Variants in CFAP206 observed in about 807,000 individuals in gnomAD.
The protein encoded by CFAP206 is cilia- and flagella-associated protein 206.
CFAP206 carries 53 observed loss-of-function variants against 65.4 expected under a neutral mutation model. That is an observed-to-expected ratio of 0.81 (90% CI 0.65 to 1.02). The LOEUF is 1.02. CFAP206 is among the 50% of genes least tolerant of loss of function. The pLI, the probability that CFAP206 is intolerant of heterozygous loss-of-function variation, is 0.00. For missense variants in CFAP206, 663 were observed against 753.2 expected (o/e 0.88, Z 1.40); for synonymous variants, 250 against 254.4 (o/e 0.98, Z 0.17).
chr6:87,444,738 G>T (rs183175173), intron 11 of CFAP206: 1 of 429,470 alleles, frequency 2.3e-6, no homozygotes, highest in African/African-American at 2.1e-5. Flanking sequence ...ACTCTTCATG[G>T]TTTTGCTCAT....
chr6:87,410,256 G>A (rs559334199), intron 2 of CFAP206, among the ~76,000 whole-genome samples: 1 of 152,150 alleles, frequency 6.6e-6, no homozygotes, highest in African/African-American at 2.4e-5. Flanking sequence ...TGGTTTCTCT[G>A]TTCTTGCTTT....
intron 4 of CFAP206, among the ~76,000 whole-genome samples, chr6:87,415,308 ATATG>A (rs1291712441): frequency 6.7e-6 from 1 of 150,236 alleles, no homozygotes; most frequent in African/African-American, 2.4e-5. Flanking sequence ...TAAATATATA[ATATG>A]TATATATTTA....
chr6:87,422,954 G>T (rs1014236568), intron 7 of CFAP206, among the ~76,000 whole-genome samples: 3 of 151,868 alleles, frequency 2.0e-5, no homozygotes, highest in Non-Finnish European at 4.4e-5. Context: ...ACAGGGTCTC[G>T]CTCTGTCACC....
intron 7 of CFAP206, among the ~76,000 whole-genome samples, chr6:87,420,585 G>A (rs1282433803): frequency 2.0e-5 from 3 of 152,172 alleles, no homozygotes; most frequent in Admixed American, 6.5e-5. Context: ...CTGTAAAATG[G>A]GGTTATTCAT....
At chr6:87,438,600 T>G (rs1420000378) in intron 11 of CFAP206, among the ~76,000 whole-genome samples, 1 of 152,156 alleles carries the variant, frequency 6.6e-6, no homozygotes, top group Non-Finnish European at 1.5e-5. Flanking sequence ...GAGAGTCTTT[T>G]GTGATAATTT....
At position 87,435,015 on chromosome 6, in the gene CFAP206, C is replaced by T. The variant is rs1200625949; in HGVS notation, c.1456C>T (p.Leu486Phe). Residue 486 changes from leucine (L) to phenylalanine (F), a missense_variant, in exon 11 of 13, where the codon CTT becomes TTT. Leu to Phe is a conservative substitution (Grantham distance 22, BLOSUM62 0). Transcript: ENST00000369562. The stretch of plus-strand genomic sequence containing the variant: ...TACAGAGTTAATTCAACTATTGGAA[C>T]TTCATCAACAGTTTGAAACATTTAT... ...KNTELIQLLE[L>F]HQQFETFIPY... 3 of 1,606,812 alleles carry T rather than the reference C, an allele frequency of 1.9e-6. No homozygotes were observed. Among genetic ancestry groups the T allele is most frequent in the Non-Finnish European group, 2.5e-6 (3 of 1,176,484 alleles).
At chr6:87,449,101 T>G (rs1768496265) in intron 11 of CFAP206, among the ~76,000 whole-genome samples, 2 of 152,144 alleles carry the variant, frequency 1.3e-5, no homozygotes, top group African/African-American at 4.8e-5. Flanking sequence ...CATAATGGCT[T>G]GCATTCCCAT....
chr6:87,463,983 A>T (rs1351452580), intron 12 of CFAP206, 37 bp from the exon 13 acceptor site: 1 of 1,517,308 alleles, frequency 6.6e-7, no homozygotes, highest in Non-Finnish European at 9.1e-7. Context: ...TTTGTTCTTT[A>T]GAGAAATGTT....
chr6:87,450,166 T>A (rs905184794), intron 11 of CFAP206, among the ~76,000 whole-genome samples: 1 of 152,190 alleles, frequency 6.6e-6, no homozygotes, highest in Non-Finnish European at 1.5e-5. Context: ...TGTATTCTAT[T>A]CTATTAGTCT....
intron 3 of CFAP206, 47 bp from the exon 4 acceptor site, chr6:87,413,763 G>T (rs1340367436): frequency 8.9e-7 from 1 of 1,120,870 alleles, no homozygotes; most frequent in Non-Finnish European, 1.3e-6. Context: ...ATACTTGACT[G>T]TCTCAAAAAC....
At chr6:87,441,214 G>T in intron 11 of CFAP206, 1 of 301,124 alleles carries the variant, frequency 3.3e-6, no homozygotes. Context: ...AAACAAAATT[G>T]TAATCATTGA....
chr6:87,426,624 GGTCCCAACATCACAA>G lies in CFAP206; in HGVS notation c.943_957del (p.Pro315_Val319del), dbSNP rs774813671. On this transcript the variant is annotated inframe_deletion, in exon 8 of 13. Coordinates refer to ENST00000369562, the MANE Select transcript of CFAP206 (RefSeq NM_001031743.3). ...AAATGACCATAAAATCAAAGATAGC[GGTCCCAACATCACAA>G]GTCTTTGTAAGTATTTGTCATAAAC... 8 of 1,589,116 alleles carry G rather than the reference GGTCCCAACATCACAA, an allele frequency of 5.0e-6. No individual in the cohort carries two copies. The highest frequency in any genetic ancestry group is 6.0e-6 in the Non-Finnish European group (7 of 1,167,882).
chr6:87,422,436 G>A (rs1366691753), intron 7 of CFAP206, among the ~76,000 whole-genome samples: 6 of 125,016 alleles, frequency 4.8e-5, no homozygotes, highest in Non-Finnish European at 9.7e-5. Flanking sequence ...GACAACGAGA[G>A]CGAAACTCCA....
intron 10 of CFAP206, among the ~76,000 whole-genome samples, chr6:87,432,223 G>A (rs890579876): frequency 6.6e-6 from 1 of 151,558 alleles, no homozygotes; most frequent in Non-Finnish European, 1.5e-5. Context: ...ATAACTATTG[G>A]GATTGTGGGT....
chr6:87,433,021 G>A (rs562865352), intron 10 of CFAP206, among the ~76,000 whole-genome samples: 9 of 152,246 alleles, frequency 5.9e-5, no homozygotes, highest in African/African-American at 1.7e-4. Context: ...TGCCTACCAC[G>A]CTTTGCCTCG....
chr6:87,433,414 A>G (rs1315723394), intron 10 of CFAP206, among the ~76,000 whole-genome samples: 3 of 152,160 alleles, frequency 2.0e-5, no homozygotes. Context: ...TTCTAATACA[A>G]CTTCCACAAA....
At chr6:87,425,726 T>C (rs1400036284) in intron 7 of CFAP206, 2 of 152,192 alleles carry the variant, frequency 1.3e-5, no homozygotes, top group African/African-American at 4.8e-5. Flanking sequence ...GACCTTACTA[T>C]AGAAAATATA....
intron 8 of CFAP206, among the ~76,000 whole-genome samples, chr6:87,427,698 A>G (rs1768070386): frequency 2.6e-5 from 4 of 152,162 alleles, no homozygotes; most frequent in Admixed American, 2.6e-4. Flanking sequence ...TTCTTTTGCA[A>G]TGATTTGGCC....
chr6:87,412,080 C>T (rs1582131014), intron 3 of CFAP206, among the ~76,000 whole-genome samples: 1 of 152,216 alleles, frequency 6.6e-6, no homozygotes, highest in South Asian at 2.1e-4. Context: ...GTTTTCCATT[C>T]CCCCCAATTC....
Sources: allele counts gnomAD v4.1 joint callset (sites outside exome capture counted in the v4.1 genomes callset), GRCh38; gene constraint gnomAD v4.1.1; transcripts MANE v1.5; gene names NCBI Gene and HGNC (gene_info 2026-07-23, HGNC 2026-07-21).